Variants in NRXN3 observed in about 807,000 individuals in gnomAD.
NRXN3 encodes neurexin 3, also known as neurexin III.
In NRXN3, 32 loss-of-function variants were observed where a neutral mutation model predicts 137.6. That is an observed-to-expected ratio of 0.23 (90% CI 0.18 to 0.31). The LOEUF (loss-of-function observed/expected upper bound fraction) is 0.31. NRXN3 is among the 10% of genes least tolerant of loss of function. The probability of loss-of-function intolerance (pLI) is 1.00; values close to 1 mark genes in which losing one functional copy is unlikely to be tolerated. For missense variants in NRXN3, 1,574 were observed against 2,062.5 expected (o/e 0.76, Z 4.59); for synonymous variants, 798 against 784.5 (o/e 1.02, Z -0.29).
Position 78,472,179 on chromosome 14 carries a change from C to T in NRXN3, c.758-172941C>T, listed in dbSNP as rs1353878184. Among the ~76,000 whole-genome samples, 7 of 152,270 alleles carry T rather than the reference C, an allele frequency of 4.6e-5. No individual in the cohort carries two copies. The East Asian group carries it at 1.4e-3, about 29-fold the overall frequency. On this transcript the variant is annotated intron_variant, in intron 4 of 20. Transcript: ENST00000335750. ...TTCCCCTCAGTGTTGGAAACTCCCA[C>T]TATTATGGCCAGATGAAGTAGTTTT...
chr14:79,393,581 G>A (rs1024528193), intron 15 of NRXN3, among the ~76,000 whole-genome samples: 11 of 152,136 alleles, frequency 7.2e-5, no homozygotes, highest in Non-Finnish European at 1.5e-4. Flanking sequence ...TTGGGAGGCC[G>A]AGGCGGGCGG....
intron 16 of NRXN3, among the ~76,000 whole-genome samples, chr14:79,588,145 C>T (rs1231914393): frequency 2.6e-5 from 4 of 152,168 alleles, no homozygotes; most frequent in African/African-American, 7.2e-5. Flanking sequence ...GGCTCTCACC[C>T]ATAAGTAGCT....
At chr14:79,363,048 A>C (rs906274456) in intron 15 of NRXN3, among the ~76,000 whole-genome samples, 1 of 148,846 alleles carries the variant, frequency 6.7e-6, no homozygotes, top group Admixed American at 6.8e-5. Context: ...CCCAGGCTGG[A>C]GTAGTGCAAT....
intron 16 of NRXN3, among the ~76,000 whole-genome samples, chr14:79,661,985 ATGT>A (rs778422102): frequency 2.0e-5 from 3 of 152,086 alleles, no homozygotes; most frequent in Non-Finnish European, 4.4e-5. Flanking sequence ...AGTTACCTCC[ATGT>A]TGTTCTCATG....
chr14:79,500,822 C>T (rs17109311), intron 16 of NRXN3, among the ~76,000 whole-genome samples: 1,543 of 152,304 alleles, frequency 0.01, 27 homozygotes, highest in African/African-American at 0.035. Flanking sequence ...CATCTGTGAA[C>T]TTCAGTTACA....
chr14:78,954,686 C>T (rs568482222), intron 10 of NRXN3, among the ~76,000 whole-genome samples: 7 of 151,286 alleles, frequency 4.6e-5, no homozygotes, highest in Admixed American at 3.3e-4. Flanking sequence ...AGGATAGTCT[C>T]GATCTCCTGA....
At chr14:78,704,617 G>A (rs972954431) in intron 6 of NRXN3, among the ~76,000 whole-genome samples, 2 of 152,024 alleles carry the variant, frequency 1.3e-5, no homozygotes, top group African/African-American at 2.4e-5. Flanking sequence ...GTAGGCATGG[G>A]GTACAGGAGG....
intron 1 of NRXN3, among the ~76,000 whole-genome samples, chr14:78,222,790 T>C (rs2064006232): frequency 6.6e-6 from 1 of 152,184 alleles, no homozygotes; most frequent in Non-Finnish European, 1.5e-5. Flanking sequence ...TCACTACTTT[T>C]TGAAGTTCTT....
chr14:78,584,698 C>G (rs1190235275), intron 4 of NRXN3, among the ~76,000 whole-genome samples: 1 of 152,230 alleles, frequency 6.6e-6, no homozygotes. Context: ...ACATAACCTC[C>G]TTCTCCTTAG....
intron 10 of NRXN3, among the ~76,000 whole-genome samples, chr14:78,926,226 A>G (rs942580642): frequency 1.3e-5 from 2 of 152,124 alleles, no homozygotes; most frequent in African/African-American, 4.8e-5. Flanking sequence ...TGTTTTTCCT[A>G]CATATACCTA....
At chr14:79,852,237 A>G (rs1253405385) in intron 20 of NRXN3, among the ~76,000 whole-genome samples, 4 of 94,840 alleles carry the variant, frequency 4.2e-5, no homozygotes, top group Admixed American at 8.8e-5. Flanking sequence ...AACTCCCAAC[A>G]CACACACACA....
intron 4 of NRXN3, among the ~76,000 whole-genome samples, chr14:78,638,305 A>C (rs2097583942): frequency 6.6e-6 from 1 of 151,976 alleles, no homozygotes; most frequent in Non-Finnish European, 1.5e-5. Context: ...AGGGCGACAC[A>C]ATTTCCCGTC....
chr14:79,090,330 C>T (rs1391220905), intron 15 of NRXN3, among the ~76,000 whole-genome samples: 1 of 152,028 alleles, frequency 6.6e-6, no homozygotes, highest in African/African-American at 2.4e-5. Flanking sequence ...TTCCTTAGGC[C>T]TTTGGAAATT....
chr14:78,650,370 C>T (rs960877165), intron 5 of NRXN3, among the ~76,000 whole-genome samples: 5 of 152,064 alleles, frequency 3.3e-5, no homozygotes, highest in African/African-American at 1.2e-4. Context: ...GCCCTCTGCT[C>T]CTTTCATGGA....
chr14:79,455,579 T>C (rs2096247483), intron 15 of NRXN3, among the ~76,000 whole-genome samples: 1 of 152,168 alleles, frequency 6.6e-6, no homozygotes, highest in Admixed American at 6.6e-5. Context: ...TATTGAGTTT[T>C]TCTACTTTTT....
rs527380797 is a variant in NRXN3 at position 79,752,707 on chromosome 14, A to C, written c.4015-52405A>C. On this transcript the variant is annotated intron_variant, in intron 19 of 20. Coordinates refer to ENST00000335750, the MANE Select transcript of NRXN3 (RefSeq NM_001330195.2). ...CAAAAGCAATGGCAACAAAAGCCAA[A>C]ATTGACAAATGGGATCTAATTAAAC... Among the ~76,000 whole-genome samples the C allele has an allele frequency of 2.0e-5, 3 of 152,234 alleles. No individual in the cohort carries two copies. The South Asian group carries it at 6.2e-4, about 32-fold the overall frequency.
chr14:78,429,094 G>A (rs2093772716), intron 4 of NRXN3, among the ~76,000 whole-genome samples: 1 of 151,652 alleles, frequency 6.6e-6, no homozygotes, highest in Non-Finnish European at 1.5e-5. Context: ...ATTATTTTTT[G>A]AGACAGAGTC....
At chr14:78,370,333 C>T (rs1350183693) in intron 4 of NRXN3, among the ~76,000 whole-genome samples, 1 of 148,282 alleles carries the variant, frequency 6.7e-6, no homozygotes, top group East Asian at 2.0e-4. Context: ...TTTTTGAGTG[C>T]TGCATACTGT....
chr14:78,252,629 A>C (rs528802596), intron 2 of NRXN3, among the ~76,000 whole-genome samples: 1 of 152,184 alleles, frequency 6.6e-6, no homozygotes, highest in Non-Finnish European at 1.5e-5. Flanking sequence ...TGAAGTCCTT[A>C]GAAGACGGAG....
Sources: allele counts gnomAD v4.1 joint callset (sites outside exome capture counted in the v4.1 genomes callset), GRCh38; gene constraint gnomAD v4.1.1; transcripts MANE v1.5; gene names NCBI Gene and HGNC (gene_info 2026-07-23, HGNC 2026-07-21).